The following FIBCD1 variants were observed in gnomAD, a reference collection of about 807,000 sequenced individuals.
FIBCD1 encodes the protein fibrinogen C domain containing 1.
Under a neutral mutation model 45.1 loss-of-function variants are expected in FIBCD1, and 47 were observed. That is an observed-to-expected ratio of 1.04 (90% CI 0.82 to 1.33). FIBCD1 has a LOEUF of 1.33. FIBCD1 is among the 40% of genes most tolerant of loss of function. The pLI, the probability that FIBCD1 is intolerant of heterozygous loss-of-function variation, is 0.00. For synonymous variants in FIBCD1, 313 were observed against 308.1 expected, an observed-to-expected ratio of 1.02 and a Z score of -0.17; for missense variants, 653 against 682.2, an observed-to-expected ratio of 0.96 and a Z score of 0.48.
upstream of FIBCD1, among the ~76,000 whole-genome samples, chr9:130,940,603 G>A (rs1469347817): frequency 6.6e-6 from 1 of 152,216 alleles, no homozygotes; most frequent in Non-Finnish European, 1.5e-5. Flanking sequence ...ATACCTCTCC[G>A]AGCCTCAGTT....
chr9:130,916,143 A>C lies in FIBCD1; in HGVS notation c.850-4255T>G, dbSNP rs552387640. Among the ~76,000 whole-genome samples the C allele has an allele frequency of 3.8e-4, 58 of 152,230 alleles. 1 individual carries two copies. The highest frequency in any genetic ancestry group is 6.8e-3 in the Middle Eastern group (2 of 294). On this transcript the variant is annotated intron_variant, in intron 4 of 6. Transcript: ENST00000372338. ...ACGGGCTTTCACGATCTTGGCCAGG[A>C]TGGTCTTGAACACCTGACCTTGTGA...
At chr9:130,936,519 C>G (rs767858365) in intron 1 of FIBCD1, 1 of 152,334 alleles carries the variant, frequency 6.6e-6, no homozygotes, top group Non-Finnish European at 1.5e-5. Context: ...GGGCAGACAG[C>G]TGGGCTGTGT....
rs1016299165 is a variant in FIBCD1, at chr9:130,926,211, C to T, written c.553-1815G>A. Among the ~76,000 whole-genome samples, 3 of 152,218 alleles carry T rather than the reference C, an allele frequency of 2.0e-5. No individual in the cohort carries two copies. The highest frequency in any genetic ancestry group is 6.5e-5 in the Admixed American group (1 of 15,284). On this transcript the variant is annotated intron_variant, in intron 2 of 6. Transcript: ENST00000372338. The surrounding 1 kb of genome is among the most constrained non-coding windows in gnomAD (Gnocchi z 4.1). Reference sequence around the variant, plus strand: ...ACTTGGTTAAGTCACACTGGTACTGCCCATTTATCTGAGTCAACACGGCCA... The same window carrying T: ...ACTTGGTTAAGTCACACTGGTACTGTCCATTTATCTGAGTCAACACGGCCA...
At chr9:130,921,054 C>T (rs1387533908) in intron 4 of FIBCD1, among the ~76,000 whole-genome samples, 3 of 152,180 alleles carry the variant, frequency 2.0e-5, no homozygotes, top group South Asian at 2.1e-4. Flanking sequence ...AGGGCGCTGG[C>T]GTGATGCCGG....
At position 130,905,349 on chromosome 9, in the gene FIBCD1, G is replaced by C. The variant is rs753831530; in HGVS notation, c.1011C>G (p.Asp337Glu). The change falls in exon 6 of 7, where the codon GAC becomes GAG. Residue 337 changes from aspartate to glutamate, a missense_variant. Asp to Glu is a conservative substitution (Grantham distance 45). Coordinates refer to ENST00000372338, the MANE Select transcript of FIBCD1 (RefSeq NM_032843.5). ...AAYELHVDLE[D>E]FENGTAYARY... The stretch of plus-strand genomic sequence containing the variant: ...GGGCATAGGCCGTGCCATTCTCAAA[G>C]TCCTCCAGGTCCACGTGCAGCTCGT... 6.2e-7 allele frequency: 1 copy of C among 1,613,920 alleles called. No homozygotes were observed.
intron 1 of FIBCD1, among the ~76,000 whole-genome samples, chr9:130,930,977 G>A (rs762092002): frequency 6.6e-6 from 1 of 152,100 alleles, no homozygotes; most frequent in Non-Finnish European, 1.5e-5. Context: ...CCCGTGTTCT[G>A]TCCTGCTGTT....
chr9:130,915,363 G>A (rs954651273), intron 4 of FIBCD1, among the ~76,000 whole-genome samples: 2 of 152,172 alleles, frequency 1.3e-5, no homozygotes, highest in Admixed American at 6.5e-5. Context: ...AACCACATAC[G>A]GCCGGCACTC....
chr9:130,905,061 A>G (rs1831901179), intron 6 of FIBCD1, among the ~76,000 whole-genome samples, 173 bp downstream of exon 6: 1 of 152,188 alleles, frequency 6.6e-6, no homozygotes, highest in Non-Finnish European at 1.5e-5. Flanking sequence ...CAGGCCTCTG[A>G]TTGTGATGTG....
chr9:130,938,556 G>A lies in FIBCD1; in HGVS notation c.52C>T (p.Arg18Trp), dbSNP rs1418277444. Reference sequence around the variant, plus strand: ...CGTACCTGCGGCTTGTCGCGCGGCCGGTCCTCAAGTTGGGCAGCGCCGCCC... The same window carrying A: ...CGTACCTGCGGCTTGTCGCGCGGCCAGTCCTCAAGTTGGGCAGCGCCGCCC... Reference protein sequence around the residue: ...TMGGAAQLEDRPRDKPQRPSC... With the variant: ...TMGGAAQLEDWPRDKPQRPSC... The change falls in exon 1 of 7, where the codon CGG becomes TGG. Residue 18 changes from arginine to tryptophan, a missense_variant. Arg to Trp is a moderately radical substitution (Grantham distance 101). Transcript: ENST00000372338. The A allele has an allele frequency of 1.3e-6, 2 of 1,490,238 alleles. No individual in the cohort carries two copies. The highest frequency in any genetic ancestry group is 1.8e-4 in the Middle Eastern group (1 of 5,546). 92.3% of individuals were successfully genotyped at this position (1,490,238 alleles called of 1,614,324 possible). A position where few individuals can be genotyped will look rare whatever the true frequency, so the allele number is the denominator to read the frequency against.
intron 5 of FIBCD1, among the ~76,000 whole-genome samples, chr9:130,911,198 G>A (rs940600764): frequency 1.3e-5 from 2 of 152,166 alleles, no homozygotes; most frequent in African/African-American, 4.8e-5. Context: ...GAGCCAGCTA[G>A]ACCACGAACC....
chr9:130,934,418 C>T (rs533834798), intron 1 of FIBCD1, among the ~76,000 whole-genome samples: 2 of 152,248 alleles, frequency 1.3e-5, no homozygotes, highest in South Asian at 4.1e-4. Flanking sequence ...AGAACCCTGC[C>T]GAGGGCCATC....
chr9:130,915,085 C>G (rs567841423), intron 4 of FIBCD1, among the ~76,000 whole-genome samples: 6 of 152,368 alleles, frequency 3.9e-5, no homozygotes, highest in Non-Finnish European at 7.3e-5. Context: ...AGGCTAATGT[C>G]CTGACACCAT....
chr9:130,914,721 G>T lies in FIBCD1; in HGVS notation c.850-2833C>A, dbSNP rs1832126482. ...GGATCCCCCAGGCTCTGCCTCCAGC[G>T]CTCACTCCCACCACTGGGACGCCTG... On this transcript the variant is annotated intron_variant, in intron 4 of 6. Transcript: ENST00000372338. 2.0e-5 allele frequency among the ~76,000 whole-genome samples: 3 copies of T among 151,984 alleles called. No individual in the cohort carries two copies. The South Asian group carries it at 6.3e-4, about 32-fold the overall frequency.
intron 4 of FIBCD1, among the ~76,000 whole-genome samples, chr9:130,912,109 C>T (rs943394735): frequency 7.9e-5 from 12 of 152,026 alleles, no homozygotes; most frequent in Non-Finnish European, 1.2e-4. Context: ...TGGGATTAAC[C>T]AAATGCCCAC....
rs750656149 is a variant in FIBCD1 at position 130,911,805 on chromosome 9, C to T, written c.933G>A (p.Gly311=). Residue 311 remains glycine (G), a synonymous_variant, in exon 5 of 7, where the codon GGG becomes GGA. Transcript: ENST00000372338. The part of the protein sequence containing the change: ...AYRDGFGRLT[G]EHWLGLKRIH... ...TGGGGTGCTCACCTAGCCAGTGCTC[C>T]CCGGTGAGCCTGCCAAAGCCGTCTC... 57 of 1,602,278 alleles carry T rather than the reference C, an allele frequency of 3.6e-5. No homozygotes were observed. The highest frequency in any genetic ancestry group is 4.4e-5 in the Non-Finnish European group (52 of 1,175,464).
Position 130,938,524 on chromosome 9 carries a change from G to A in FIBCD1, c.72+12C>T. 1 of 1,486,552 alleles carries A rather than the reference G, an allele frequency of 6.7e-7. No homozygotes were observed. Among genetic ancestry groups the A allele is most frequent in the Non-Finnish European group, 8.9e-7 (1 of 1,124,222 alleles). The allele number at this position is 1,486,552 out of a possible 1,614,324, so 92.1% of individuals were successfully genotyped here. On this transcript the variant is annotated intron_variant, in intron 1 of 6. Coordinates refer to ENST00000372338, the MANE Select transcript of FIBCD1 (RefSeq NM_032843.5). ...AGCCGCCCAGGCCCCGTGTCCCAGC[G>A]CCCGAGCGTACCTGCGGCTTGTCGC... is the stretch of plus-strand genomic sequence containing the variant.
At chr9:130,919,291 T>C (rs1438123907) in intron 4 of FIBCD1, among the ~76,000 whole-genome samples, 1 of 152,204 alleles carries the variant, frequency 6.6e-6, no homozygotes, top group African/African-American at 2.4e-5. Context: ...TGAATGTGTG[T>C]GTGCTCTGAG....
chr9:130,929,523 C>A (rs765688264), intron 2 of FIBCD1, 44 bp downstream of exon 2: 8 of 1,486,944 alleles, frequency 5.4e-6, no homozygotes, highest in Admixed American at 2.4e-5. Context: ...CAGCACCAAC[C>A]CCTCGCCTCC....
intron 4 of FIBCD1, among the ~76,000 whole-genome samples, chr9:130,913,526 C>G (rs1028160097): frequency 5.3e-5 from 8 of 152,328 alleles, no homozygotes; most frequent in South Asian, 2.1e-4. Flanking sequence ...GCAGCTCTGA[C>G]GTCAGGGAGC....
Sources: gnomAD v4.1 joint callset for allele counts (sites outside exome capture counted in the v4.1 genomes callset) on GRCh38, gnomAD v4.1.1 for gene constraint, Gnocchi (gnomAD v3.1) non-coding constraint, MANE v1.5 for transcripts, NCBI Gene and HGNC (gene_info 2026-07-23, HGNC 2026-07-21) for gene names.